ZNF567: variants seen among roughly 807,000 people sequenced by gnomAD.
ZNF567 encodes the protein zinc finger protein 567.
In ZNF567, 36 loss-of-function variants were observed where a neutral mutation model predicts 53.9. The ratio of observed to expected loss-of-function variants is 0.67; its 90% CI spans 0.51 to 0.88. ZNF567 has a LOEUF of 0.88. Among genes scored for constraint, ZNF567 ranks in the 40% least tolerant of loss-of-function variants. ZNF567 has a pLI of 0.00. For missense variants in ZNF567, 619 were observed against 764.7 expected (o/e 0.81, Z 2.25); for synonymous variants, 224 against 260.4 (o/e 0.86, Z 1.35).
At chr19:36,709,519 G>A (rs1240936295) in intron 3 of ZNF567, among the ~76,000 whole-genome samples, 1 of 150,128 alleles carries the variant, frequency 6.7e-6, no homozygotes, top group African/African-American at 2.4e-5. Flanking sequence ...TCCAGAGATA[G>A]AGATCTCACT....
At chr19:36,697,943 C>CT (rs2038973692) in intron 3 of ZNF567, among the ~76,000 whole-genome samples, 1 of 133,746 alleles carries the variant, frequency 7.5e-6, no homozygotes, top group Non-Finnish European at 1.6e-5. Flanking sequence ...TTTTATTATA[C>CT]TTTAAGTTTT....
rs117265844 is a variant in ZNF567 at position 36,717,776 on chromosome 19, G to C, written c.224-1172G>C. Among the ~76,000 whole-genome samples the C allele has an allele frequency of 3.8e-3, 572 of 152,246 alleles. 2 individuals are homozygous for C. The highest frequency in any genetic ancestry group is 6.2e-3 in the Non-Finnish European group (423 of 68,012). On this transcript the variant is annotated intron_variant, in intron 5 of 5. Transcript: ENST00000682579. ...AGTTACTCTGATTTAGGACCAGATT[G>C]TTCAATCTACCATTTGAAATTGGTA...
intron 3 of ZNF567, among the ~76,000 whole-genome samples, chr19:36,710,071 C>T (rs1028045717): frequency 3.3e-5 from 5 of 152,140 alleles, no homozygotes; most frequent in Middle Eastern, 3.4e-3. Flanking sequence ...TAATTATATC[C>T]ATGTTGGATT....
upstream of ZNF567, among the ~76,000 whole-genome samples, chr19:36,683,349 G>A (rs1226160365): frequency 2.6e-5 from 4 of 152,148 alleles, no homozygotes; most frequent in African/African-American, 7.2e-5. Context: ...TGGGATTACA[G>A]GGGTGAGCTA....
chr19:36,701,079 T>C (rs2039157177), intron 3 of ZNF567, among the ~76,000 whole-genome samples: 1 of 152,130 alleles, frequency 6.6e-6, no homozygotes, highest in African/African-American at 2.4e-5. Context: ...AATTTCCCTC[T>C]ACACACTGCT....
At chr19:36,685,742 T>C (rs2038252864), upstream of ZNF567, 1 of 152,232 alleles carries the variant, frequency 6.6e-6, no homozygotes, top group Non-Finnish European at 1.5e-5. Flanking sequence ...GTTTCAGTTA[T>C]TTATTGCTAT....
chr19:36,673,515 C>T, the ZNF567 span, among the ~76,000 whole-genome samples: 1 of 152,182 alleles, frequency 6.6e-6, no homozygotes, highest in South Asian at 2.1e-4. Context: ...AGGCTAATGT[C>T]TGAGCAAGAG....
upstream of ZNF567, among the ~76,000 whole-genome samples, chr19:36,687,056 C>A (rs76347522): frequency 1.7e-3 from 256 of 152,284 alleles, 10 homozygotes; most frequent in East Asian, 0.043. Flanking sequence ...CGACAGACCC[C>A]TCAGTCCCAA....
chr19:36,707,222 A>G (rs936489878), intron 3 of ZNF567, among the ~76,000 whole-genome samples: 6 of 151,984 alleles, frequency 3.9e-5, no homozygotes, highest in Non-Finnish European at 7.4e-5. Flanking sequence ...TATTAGAAGT[A>G]CTTCTTTATT....
chr19:36,699,196 T>G (rs2039045489), intron 3 of ZNF567, among the ~76,000 whole-genome samples: 1 of 152,136 alleles, frequency 6.6e-6, no homozygotes, highest in Admixed American at 6.5e-5. Flanking sequence ...CCCCATTGCT[T>G]GTTTTTCTCA....
Position 36,719,822 on chromosome 19 carries a change from G to A in ZNF567, c.1098G>A (p.Glu366=), listed in dbSNP as rs1306110312. 1 of 1,613,416 alleles carries A rather than the reference G, an allele frequency of 6.2e-7. No individual in the cohort carries two copies. Among genetic ancestry groups the A allele is most frequent in the South Asian group, 1.1e-5 (1 of 91,028 alleles). Residue 366 remains glutamate, a synonymous_variant, in exon 6 of 6, where the codon GAG becomes GAA. Coordinates refer to ENST00000682579, the MANE Select transcript of ZNF567 (RefSeq NM_001322917.1). The stretch of plus-strand genomic sequence containing the variant: ...CTCACACGGGAGAGAAACCATATGA[G>A]TGTAATGACTGTGGGAAGTCCTTCC... ...QRTHTGEKPY[E]CNDCGKSFRQ... is the part of the protein sequence containing the mutation.
At chr19:36,673,778 A>G in the ZNF567 span, among the ~76,000 whole-genome samples, 31 of 152,242 alleles carry the variant, frequency 2.0e-4, no homozygotes, top group African/African-American at 6.3e-4. Context: ...TTACATGTAT[A>G]GTGTCATTTA....
chr19:36,715,509 A>AATAATT lies in ZNF567; in HGVS notation c.223+2644_223+2645insAATTAT, dbSNP rs1309147349. On this transcript the variant is annotated intron_variant, in intron 5 of 5. Coordinates refer to ENST00000682579, the MANE Select transcript of ZNF567 (RefSeq NM_001322917.1). Reference sequence around the variant, plus strand: ...TAATAATAATAATAATAATAATAATAATTATTATTATTATTATTATTATTA... The same window carrying AATAATT: ...TAATAATAATAATAATAATAATAATAATAATTATTATTATTATTATTATTATTATTA... Among the ~76,000 whole-genome samples, 335 of 45,756 alleles carry AATAATT rather than the reference A, an allele frequency of 7.3e-3. 1 individual carries two copies. Among genetic ancestry groups the AATAATT allele is most frequent in the East Asian group, 0.021 (21 of 996 alleles). The allele number at this position is 45,756 out of a possible 152,430, so 30.0% of individuals were successfully genotyped here.
At chr19:36,710,280 C>CTTTT (rs35115492) in intron 3 of ZNF567, among the ~76,000 whole-genome samples, 6 of 76,096 alleles carry the variant, frequency 7.9e-5, no homozygotes, top group African/African-American at 1.0e-4. Context: ...ACTTTGAAGC[C>CTTTT]TTTTTTTTTT....
intron 3 of ZNF567, among the ~76,000 whole-genome samples, chr19:36,700,432 C>G (rs1434047405): frequency 6.6e-6 from 1 of 151,144 alleles, no homozygotes; most frequent in Non-Finnish European, 1.5e-5. Context: ...ATGATGCTGG[C>G]CTCATAAAAT....
In ZNF567 at chr19:36,720,685, T is replaced by C; in HGVS notation, c.*17T>C. The C allele has an allele frequency of 6.6e-7, 1 of 1,507,822 alleles. No individual in the cohort carries two copies. Among genetic ancestry groups the C allele is most frequent in the Non-Finnish European group, 8.8e-7 (1 of 1,130,834 alleles). The allele number at this position is 1,507,822 out of a possible 1,614,324, so 93.4% of individuals were successfully genotyped here. A position where few individuals can be genotyped will look rare whatever the true frequency, so the allele number is the denominator to read the frequency against. ...ATGCAATAAATGATGTGGTTTCTTA[T>C]ATGAATTCTTTACAAGCTGTTGTAA... On this transcript the variant is annotated 3_prime_UTR_variant, in exon 6 of 6. Transcript: ENST00000682579.
upstream of ZNF567, among the ~76,000 whole-genome samples, chr19:36,683,246 A>G (rs2038214434): frequency 6.6e-6 from 1 of 151,640 alleles, no homozygotes; most frequent in Non-Finnish European, 1.5e-5. Flanking sequence ...AATTTTTTGT[A>G]TTTTTAGTAG....
At position 36,700,665 on chromosome 19, in the gene ZNF567, C is replaced by T. The variant is rs1188187138; in HGVS notation, c.9+5789C>T. Among the ~76,000 whole-genome samples the T allele has an allele frequency of 4.6e-5, 7 of 152,182 alleles. No homozygotes were observed. In the South Asian group the frequency reaches 6.2e-4, roughly 14 times the overall value. ...GTTAGTCTTGGGAGAGTGTATGTGT[C>T]GAGGAATTTATCCATTTCTTCTAGA... On this transcript the variant is annotated intron_variant, in intron 3 of 5. Transcript: ENST00000682579.
At position 36,704,024 on chromosome 19, in the gene ZNF567, G is replaced by A. The variant is rs542110719; in HGVS notation, c.10-8362G>A. ...GCAGAAATCACCTGTCTTCTGCATCGCTCACGCTGGGAGCTGTAGACCAGA... is the reference window on the plus strand; with the variant it reads ...GCAGAAATCACCTGTCTTCTGCATCACTCACGCTGGGAGCTGTAGACCAGA... On this transcript the variant is annotated intron_variant, in intron 3 of 5. Coordinates refer to ENST00000682579, the MANE Select transcript of ZNF567 (RefSeq NM_001322917.1). Among the ~76,000 whole-genome samples, 51 of 152,314 alleles carry A rather than the reference G, an allele frequency of 3.3e-4. No homozygotes were observed. In the South Asian group the frequency reaches 4.6e-3, roughly 14 times the overall value.
Sources: gnomAD v4.1 joint callset for allele counts (sites outside exome capture counted in the v4.1 genomes callset) on GRCh38, gnomAD v4.1.1 for gene constraint, MANE v1.5 for transcripts, NCBI Gene and HGNC (gene_info 2026-07-23, HGNC 2026-07-21) for gene names.